The following COL5A3 variants were observed in gnomAD, a reference collection of about 807,000 sequenced individuals.
COL5A3 encodes collagen alpha-3(V) chain.
COL5A3 carries 172 observed loss-of-function variants against 250.0 expected under a neutral mutation model. The observed-to-expected ratio is 0.69, with a 90% CI of 0.61 to 0.78. The LOEUF (loss-of-function observed/expected upper bound fraction) is 0.78. Among genes scored for constraint, COL5A3 ranks in the 30% least tolerant of loss-of-function variants. The pLI is 0.00. For synonymous variants in COL5A3, 937 were observed against 900.4 expected, an observed-to-expected ratio of 1.04 and a Z score of -0.73; for missense variants, 2,340 against 2,334.4, an observed-to-expected ratio of 1.00 and a Z score of -0.05.
chr19:9,994,179 A>T (rs1328267221), intron 16 of COL5A3, among the ~76,000 whole-genome samples: 5 of 144,968 alleles, frequency 3.4e-5, no homozygotes, highest in African/African-American at 1.1e-4. Context: ...TATTTTTTTT[A>T]ATTTATTTAT....
rs1309267965 is a variant in COL5A3 at position 9,959,882 on chromosome 19, A to C, written c.*529T>G. The C allele has an allele frequency of 1.9e-5, 3 of 154,492 alleles. No individual in the cohort carries two copies. Among genetic ancestry groups the C allele is most frequent in the African/African-American group, 7.3e-5 (3 of 41,330 alleles). The allele number at this position is 154,492 out of a possible 1,614,324, so 9.6% of individuals were successfully genotyped here. ...TGAGGCAGGAAAAGAAACACAACCC[A>C]GTCAAGGGAAGTCCCTCTTCCCTCT... On this transcript the variant is annotated 3_prime_UTR_variant, in exon 67 of 67. Coordinates refer to ENST00000264828, the MANE Select transcript of COL5A3 (RefSeq NM_015719.4).
Position 9,977,243 on chromosome 19 carries a change from C to T in COL5A3, c.3274G>A (p.Asp1092Asn), listed in dbSNP as rs774594724. 39 of 1,613,154 alleles carry T rather than the reference C, an allele frequency of 2.4e-5. No homozygotes were observed. Among genetic ancestry groups the T allele is most frequent in the East Asian group, 2.2e-4 (10 of 44,866 alleles). Residue 1092 changes from aspartate to asparagine, a missense_variant, in exon 44 of 67, where the codon GAT (aspartate) becomes AAT (asparagine). Physicochemically the swap from Asp to Asn is conservative, Grantham distance 23. This residue lies in a region of COL5A3 where 1,179 missense variants were observed against 1,162.6 expected (regional missense o/e 1.01). Transcript: ENST00000264828. ...GAPGHKGSKG[D>N]KGDAGPPGQP... The stretch of plus-strand genomic sequence containing the variant: ...CCTTCACTCACCGCGTCTCCTTTAT[C>T]GCCTTTACTCCCCTTGTGTCCGGGG...
intron 8 of COL5A3, 55 bp downstream of exon 8, chr19:10,001,469 A>T (rs912176116): frequency 5.9e-5 from 91 of 1,555,480 alleles, no homozygotes; most frequent in African/African-American, 5.7e-4. Flanking sequence ...TTTTAAAAAA[A>T]TTTTAATAGG....
At position 9,960,527 on chromosome 19, in the gene COL5A3, C is replaced by A; in HGVS notation, c.5122G>T (p.Glu1708Ter). Reference sequence around the variant, plus strand: ...AATCCCGCTCGAGAAGAGCTGAATTCGAAAAGGGTCTTCGTCTGTCCTTTC... The same window carrying A: ...AATCCCGCTCGAGAAGAGCTGAATTAGAAAAGGGTCTTCGTCTGTCCTTTC... ...LRKGQTKTLFEFSSSRAGFLP... is the reference protein window; with the variant it reads ...LRKGQTKTLF Residue 1708 changes from glutamate (E) to a stop codon, truncating the protein, a stop_gained, in exon 67 of 67, where the codon GAA becomes TAA. Coordinates refer to ENST00000264828, the MANE Select transcript of COL5A3 (RefSeq NM_015719.4). LOFTEE classifies it low-confidence loss of function (END_TRUNC). 6.2e-7 allele frequency: 1 copy of A among 1,614,146 alleles called. No homozygotes were observed. Among genetic ancestry groups the A allele is most frequent in the Non-Finnish European group, 8.5e-7 (1 of 1,180,032 alleles).
intron 27 of COL5A3, 99 bp from the exon 28 acceptor site, chr19:9,986,857 G>T: frequency 7.4e-7 from 1 of 1,359,340 alleles, no homozygotes; most frequent in Admixed American, 1.9e-5. Flanking sequence ...AGTCCCAAGA[G>T]GAGGCTAGGC....
chr19:9,998,997 CTTTCTTTCT>C (rs923802015), intron 8 of COL5A3, among the ~76,000 whole-genome samples: 12 of 148,118 alleles, frequency 8.1e-5, no homozygotes, highest in Admixed American at 8.0e-4. Context: ...TCCTTCCTTC[CTTTCTTTCT>C]TTTCTTTCTT....
intron 45 of COL5A3, among the ~76,000 whole-genome samples, chr19:9,975,458 G>A (rs1348579287): frequency 2.0e-5 from 3 of 152,054 alleles, no homozygotes; most frequent in Non-Finnish European, 4.4e-5. Flanking sequence ...GTTCAGAGCT[G>A]GGTTTAGGTT....
intron 1 of COL5A3, among the ~76,000 whole-genome samples, chr19:10,007,194 C>T (rs947741265): frequency 2.0e-5 from 3 of 151,368 alleles, no homozygotes; most frequent in African/African-American, 7.3e-5. Context: ...TGACATTCCC[C>T]TCTGACCTCC....
chr19:9,977,996 A>G (rs1436115333), intron 41 of COL5A3, among the ~76,000 whole-genome samples: 1 of 144,784 alleles, frequency 6.9e-6, no homozygotes, highest in African/African-American at 2.5e-5. Flanking sequence ...TTGTAGAGAC[A>G]GGACCTGGCT....
intron 41 of COL5A3, 67 bp from the exon 42 acceptor site, chr19:9,977,768 G>T: frequency 7.9e-7 from 1 of 1,273,068 alleles, no homozygotes; most frequent in Non-Finnish European, 1.0e-6. Flanking sequence ...GGGTTTTTAA[G>T]CCACCAGGCA....
At position 9,966,755 on chromosome 19, in the gene COL5A3, A is replaced by C. The variant is rs2086754280; in HGVS notation, c.4459-9T>G. 6.6e-7 allele frequency: 1 copy of C among 1,516,222 alleles called. No individual in the cohort carries two copies. 93.9% of individuals were successfully genotyped at this position (1,516,222 alleles called of 1,614,324 possible). ...AGCTCGGCAGGGGCACCCTGGGCGTAGGGGATGGGGACGGAGAAGAGAGGG... is the reference window on the plus strand; with the variant it reads ...AGCTCGGCAGGGGCACCCTGGGCGTCGGGGATGGGGACGGAGAAGAGAGGG... On this transcript the variant is annotated splice_polypyrimidine_tract_variant and intron_variant, in intron 62 of 66. Transcript: ENST00000264828.
At chr19:9,996,184 T>C in intron 14 of COL5A3, 22 bp downstream of exon 14, 2 of 1,558,432 alleles carry the variant, frequency 1.3e-6, no homozygotes, top group Non-Finnish European at 1.7e-6. Flanking sequence ...CACCGCCCCC[T>C]CCACGCAGTC....
chr19:9,972,088 C>T (rs2086855862), intron 51 of COL5A3, among the ~76,000 whole-genome samples: 1 of 152,194 alleles, frequency 6.6e-6, no homozygotes, highest in African/African-American at 2.4e-5. Flanking sequence ...CATTCACTCA[C>T]TCATTTGTCC....
At chr19:9,964,244 C>T (rs1682880315) in intron 64 of COL5A3, among the ~76,000 whole-genome samples, 1 of 152,108 alleles carries the variant, frequency 6.6e-6, no homozygotes, top group Admixed American at 6.5e-5. Context: ...CTTTAGGTTA[C>T]AGTGAGCTAT....
rs1196968894 is a variant in COL5A3, at chr19:10,005,786, C to T, written c.437+10G>A. The T allele has an allele frequency of 3.7e-6, 6 of 1,607,114 alleles. No individual in the cohort carries two copies. Among genetic ancestry groups the T allele is most frequent in the East Asian group, 2.2e-5 (1 of 44,744 alleles). ...ATCCACGGACCCCCGCCCACTCTCCCCATGCTCACCTGCCATCTGTGAGGT... is the reference window on the plus strand; with the variant it reads ...ATCCACGGACCCCCGCCCACTCTCCTCATGCTCACCTGCCATCTGTGAGGT... On this transcript the variant is annotated intron_variant, in intron 3 of 66. Transcript: ENST00000264828.
intron 4 of COL5A3, among the ~76,000 whole-genome samples, chr19:10,005,115 G>C (rs2087423174): frequency 6.6e-6 from 1 of 152,162 alleles, no homozygotes; most frequent in Non-Finnish European, 1.5e-5. Flanking sequence ...CCAGCACTTT[G>C]GGAGGCCAAG....
intron 8 of COL5A3, 137 bp downstream of exon 8, chr19:10,001,387 T>C: frequency 2.6e-6 from 2 of 782,852 alleles, no homozygotes. Context: ...CCTCAAATGA[T>C]CTGCCCACCT....
chr19:9,977,406 G>A lies in COL5A3; in HGVS notation c.3193C>T (p.Pro1065Ser), dbSNP rs768794982. The A allele has an allele frequency of 6.5e-7, 1 of 1,547,072 alleles. No homozygotes were observed. Residue 1065 changes from proline to serine, a missense_variant, in exon 43 of 67, where the codon CCC becomes TCC. Pro to Ser is a moderately conservative substitution (Grantham distance 74). This residue lies in a region of COL5A3 where 1,179 missense variants were observed against 1,162.6 expected (regional missense o/e 1.01). Transcript: ENST00000264828. ...GIPGPLGPLG[P>S]PGAAGPSGEE... ...CCAGAAGGCCCAGCAGCTCCAGGGG[G>A]TCCCAGAGGCCCCAGGGGCCCTGGG...
chr19:9,973,682 C>A, intron 49 of COL5A3, 59 bp from the exon 50 acceptor site: 1 of 1,610,956 alleles, frequency 6.2e-7, no homozygotes, highest in Non-Finnish European at 8.5e-7. Context: ...GGGAGGGGCT[C>A]CCCAGAATGT....
Sources: allele counts gnomAD v4.1 joint callset (sites outside exome capture counted in the v4.1 genomes callset), GRCh38; gene constraint gnomAD v4.1.1; regional missense constraint gnomAD v4.1.1; transcripts MANE v1.5; gene names NCBI Gene and HGNC (gene_info 2026-07-23, HGNC 2026-07-21).